CHRM3: variants seen among roughly 807,000 people sequenced by gnomAD.
The protein encoded by CHRM3 is muscarinic acetylcholine receptor M3.
A neutral mutation model predicts 41.8 loss-of-function variants in CHRM3; 11 were observed. The ratio of observed to expected loss-of-function variants is 0.26; its 90% CI spans 0.17 to 0.44. The LOEUF is 0.44. CHRM3 is among the 20% of genes least tolerant of loss of function. CHRM3 has a pLI of 1.00. For synonymous variants in CHRM3, 297 were observed against 301.4 expected, an observed-to-expected ratio of 0.99 and a Z score of 0.15; for missense variants, 571 against 745.4, an observed-to-expected ratio of 0.77 and a Z score of 2.72.
intron 5 of CHRM3, among the ~76,000 whole-genome samples, chr1:239,796,975 A>G (rs558463672): frequency 1.2e-4 from 18 of 152,210 alleles, no homozygotes; most frequent in Non-Finnish European, 2.6e-4. Flanking sequence ...TTCACCTTAC[A>G]CTACACTGAT....
chr1:239,430,524 A>T (rs1662751673), intron 1 of CHRM3, among the ~76,000 whole-genome samples: 1 of 152,028 alleles, frequency 6.6e-6, no homozygotes, highest in Non-Finnish European at 1.5e-5. Context: ...TTATAGGAAA[A>T]CCATGTTCAG....
chr1:239,588,075 T>C (rs115022411), intron 3 of CHRM3, among the ~76,000 whole-genome samples: 199 of 152,360 alleles, frequency 1.3e-3, no homozygotes, highest in Non-Finnish European at 1.5e-3. Context: ...ATATTTTAAA[T>C]TCCATGCAAA....
At chr1:239,773,985 G>A (rs190491648) in intron 5 of CHRM3, among the ~76,000 whole-genome samples, 35 of 152,312 alleles carry the variant, frequency 2.3e-4, no homozygotes, top group Non-Finnish European at 4.6e-4. Context: ...GTGTTCTGCT[G>A]TTGACCAGCT....
intron 2 of CHRM3, among the ~76,000 whole-genome samples, chr1:239,508,594 A>G (rs1169834261): frequency 6.6e-6 from 1 of 152,194 alleles, no homozygotes; most frequent in Admixed American, 6.5e-5. Context: ...TTATTATTCT[A>G]CTTCAAGCAT....
chr1:239,401,362 A>G (rs1046221674), intron 1 of CHRM3, among the ~76,000 whole-genome samples: 2 of 152,146 alleles, frequency 1.3e-5, no homozygotes, highest in African/African-American at 4.8e-5. Context: ...TCTCTGTAAG[A>G]TATTTTCCTC....
chr1:239,564,228 A>G (rs547961893), intron 3 of CHRM3, among the ~76,000 whole-genome samples: 4 of 152,340 alleles, frequency 2.6e-5, no homozygotes, highest in African/African-American at 7.2e-5. Context: ...TTGAGAAAAT[A>G]ATAAACCTAA....
chr1:239,782,583 T>A (rs1380965482), intron 5 of CHRM3, among the ~76,000 whole-genome samples: 1 of 152,136 alleles, frequency 6.6e-6, no homozygotes. Context: ...TATTCTCTAC[T>A]GATTTTCTCT....
intron 2 of CHRM3, among the ~76,000 whole-genome samples, chr1:239,513,135 A>G (rs1396642960): frequency 6.6e-6 from 1 of 152,132 alleles, no homozygotes; most frequent in Admixed American, 6.6e-5. Context: ...TTCCAACAAT[A>G]TATATTTTAG....
intron 6 of CHRM3, among the ~76,000 whole-genome samples, chr1:239,898,589 AATT>A (rs1319996541): frequency 1.3e-5 from 2 of 152,310 alleles, no homozygotes; most frequent in East Asian, 1.9e-4. Context: ...TTAAAAAAAT[AATT>A]ATTATTATAG....
Position 239,910,879 on chromosome 1 carries a change from A to C in CHRM3, c.*1655A>C, listed in dbSNP as rs191934322. Reference sequence around the variant, plus strand: ...GTTTACAGACGACTTTGACAACAGTAGAAGTGTACTCAGTGGTGTCTGTGT... The same window carrying C: ...GTTTACAGACGACTTTGACAACAGTCGAAGTGTACTCAGTGGTGTCTGTGT... On this transcript the variant is annotated 3_prime_UTR_variant, in exon 7 of 7. Transcript: ENST00000676153. 2.4e-5 allele frequency: 4 copies of C among 167,108 alleles called. No homozygotes were observed. Among genetic ancestry groups the C allele is most frequent in the Non-Finnish European group, 5.9e-5 (4 of 68,138 alleles). The allele number at this position is 167,108 out of a possible 1,614,324, so 10.4% of individuals were successfully genotyped here.
At chr1:239,742,387 A>G (rs1315059396) in intron 5 of CHRM3, among the ~76,000 whole-genome samples, 2 of 152,162 alleles carry the variant, frequency 1.3e-5, no homozygotes, top group African/African-American at 4.8e-5. Flanking sequence ...TGGAGGTTCA[A>G]CCGGAGCCAG....
intron 3 of CHRM3, among the ~76,000 whole-genome samples, chr1:239,580,256 TGTCACACACACA>T (rs1662740770): frequency 2.8e-5 from 2 of 71,604 alleles, no homozygotes; most frequent in African/African-American, 1.0e-4. Context: ...AAATACACAC[TGTCACACACACA>T]CACACACACA....
chr1:239,545,554 A>G (rs1032551921), intron 2 of CHRM3, 87 bp from the exon 3 acceptor site: 15 of 152,168 alleles, frequency 9.9e-5, no homozygotes, highest in African/African-American at 3.6e-4. Flanking sequence ...TATTATTATT[A>G]TGCTACAGAT....
intron 1 of CHRM3, among the ~76,000 whole-genome samples, chr1:239,454,851 C>T (rs1293032270): frequency 6.6e-6 from 1 of 152,128 alleles, no homozygotes. Context: ...AAATTCCTAT[C>T]ACCTAGTGAT....
intron 5 of CHRM3, among the ~76,000 whole-genome samples, chr1:239,729,322 A>G (rs931523880): frequency 1.1e-4 from 17 of 151,980 alleles, no homozygotes; most frequent in African/African-American, 4.1e-4. Flanking sequence ...CTGAAGCATA[A>G]TGGTTGTGAT....
chr1:239,909,384 A>C lies in CHRM3; in HGVS notation c.*160A>C, dbSNP rs1156991237. On this transcript the variant is annotated 3_prime_UTR_variant, in exon 7 of 7. Coordinates refer to ENST00000676153, the MANE Select transcript of CHRM3 (RefSeq NM_001375978.1). Reference sequence around the variant, plus strand: ...GTTTACTGATCCATTGAATAAACCCATTTTAATAGAAAAAGTCAATACCAA... The same window carrying C: ...GTTTACTGATCCATTGAATAAACCCCTTTTAATAGAAAAAGTCAATACCAA... 3.4e-6 allele frequency: 2 copies of C among 586,804 alleles called. No homozygotes were observed. The highest frequency in any genetic ancestry group is 5.7e-6 in the Non-Finnish European group (2 of 350,232). The allele number at this position is 586,804 out of a possible 1,614,324, so 36.3% of individuals were successfully genotyped here. A position where few individuals can be genotyped will look rare whatever the true frequency, so the allele number is the denominator to read the frequency against.
intron 3 of CHRM3, among the ~76,000 whole-genome samples, chr1:239,580,183 A>G (rs1662732895): frequency 6.6e-6 from 1 of 151,868 alleles, no homozygotes; most frequent in African/African-American, 2.4e-5. Flanking sequence ...CAAAGATGAC[A>G]GTACTTTCCC....
chr1:239,726,066 G>A lies in CHRM3; in HGVS notation c.-147+47778G>A, dbSNP rs142495445. ...TTTGTATTGGAACACAGCCATGCACGTTCATTTACATGTTGTCTATGACTG... is the reference window on the plus strand; with the variant it reads ...TTTGTATTGGAACACAGCCATGCACATTCATTTACATGTTGTCTATGACTG... On this transcript the variant is annotated intron_variant, in intron 5 of 6. Transcript: ENST00000676153. 6.6e-3 allele frequency among the ~76,000 whole-genome samples: 998 copies of A among 152,014 alleles called. 2 individuals are homozygous for A. Among genetic ancestry groups the A allele is most frequent in the Non-Finnish European group, 0.012 (788 of 67,922 alleles).
intron 3 of CHRM3, among the ~76,000 whole-genome samples, chr1:239,618,768 CG>C (rs1238393812): frequency 6.9e-6 from 1 of 145,070 alleles, no homozygotes; most frequent in Non-Finnish European, 1.5e-5. Flanking sequence ...GGCGTGAACC[CG>C]GGAGGCGGAG....
Sources: allele counts gnomAD v4.1 joint callset (sites outside exome capture counted in the v4.1 genomes callset), GRCh38; gene constraint gnomAD v4.1.1; transcripts MANE v1.5; gene names NCBI Gene and HGNC (gene_info 2026-07-23, HGNC 2026-07-21).